Variants in TCP11L1 observed in about 807,000 individuals in gnomAD.
TCP11L1 encodes T-complex protein 11-like protein 1.
A neutral mutation model predicts 48.9 loss-of-function variants in TCP11L1; 28 were observed. That is an observed-to-expected ratio of 0.57 (90% confidence interval 0.42 to 0.78). The LOEUF (loss-of-function observed/expected upper bound fraction) is 0.78. Ranked by LOEUF, TCP11L1 falls within the 30% of genes least tolerant of loss-of-function variation. The probability of loss-of-function intolerance (pLI) is 0.00; values close to 1 mark genes in which losing one functional copy is unlikely to be tolerated. For missense variants in TCP11L1, 505 were observed against 613.4 expected (o/e 0.82, Z 1.87); for synonymous variants, 204 against 231.9 (o/e 0.88, Z 1.09).
intron 9 of TCP11L1, among the ~76,000 whole-genome samples, chr11:33,069,544 G>A (rs1403765367): frequency 6.6e-6 from 1 of 152,040 alleles, no homozygotes; most frequent in Non-Finnish European, 1.5e-5. Flanking sequence ...TAATCATTTT[G>A]TAGTATATAC....
chr11:33,073,329 A>T lies in TCP11L1; in HGVS notation c.*653A>T, dbSNP rs1342814798. The T allele has an allele frequency of 6.6e-6, 1 of 152,256 alleles. No homozygotes were observed. The highest frequency in any genetic ancestry group is 6.5e-5 in the Admixed American group (1 of 15,278). The allele number at this position is 152,256 out of a possible 1,614,324, so 9.4% of individuals were successfully genotyped here. A position where few individuals can be genotyped will look rare whatever the true frequency, so the allele number is the denominator to read the frequency against. On this transcript the variant is annotated 3_prime_UTR_variant, in exon 10 of 10. Coordinates refer to ENST00000334274, the MANE Select transcript of TCP11L1 (RefSeq NM_018393.4). ...CCAAAGATACAGTTATTGGACTTTA[A>T]AAAGCTTGTTCTTTTATACAAAATT...
In TCP11L1 at chr11:33,056,414, A is replaced by G. The variant is rs538866072; in HGVS notation, c.297-701A>G. Among the ~76,000 whole-genome samples the G allele has an allele frequency of 5.9e-5, 9 of 152,220 alleles. No homozygotes were observed. The South Asian group carries it at 1.9e-3, about 32-fold the overall frequency. On this transcript the variant is annotated intron_variant, in intron 3 of 9. Coordinates refer to ENST00000334274, the MANE Select transcript of TCP11L1 (RefSeq NM_018393.4). ...GCATGAGCCACCACACCTGGCCAAT[A>G]CTGGTTTTAATGAAATGTTATGTTG... is the stretch of plus-strand genomic sequence containing the variant.
chr11:33,050,722 C>T (rs988064051), intron 2 of TCP11L1, among the ~76,000 whole-genome samples: 7 of 152,142 alleles, frequency 4.6e-5, no homozygotes, highest in Non-Finnish European at 8.8e-5. Context: ...TTGATAAAAT[C>T]CAAATTATCC....
chr11:33,072,086 C>T (rs1021782070), intron 9 of TCP11L1, among the ~76,000 whole-genome samples: 11 of 152,118 alleles, frequency 7.2e-5, no homozygotes, highest in Non-Finnish European at 1.5e-5. Flanking sequence ...TCAGGTGACC[C>T]GCCCACCTTA....
chr11:33,054,449 G>A, intron 2 of TCP11L1, 144 bp from the exon 3 acceptor site: 1 of 901,314 alleles, frequency 1.1e-6, no homozygotes, highest in Non-Finnish European at 1.7e-6. Context: ...GTAACATTCT[G>A]TTGCTGTTTG....
At chr11:33,069,902 C>G (rs1039804543) in intron 9 of TCP11L1, among the ~76,000 whole-genome samples, 1 of 152,134 alleles carries the variant, frequency 6.6e-6, no homozygotes, top group Non-Finnish European at 1.5e-5. Flanking sequence ...ACCACTGCAT[C>G]CAGCCAAGAT....
chr11:33,053,804 T>G (rs1854233061), intron 2 of TCP11L1, among the ~76,000 whole-genome samples: 1 of 152,132 alleles, frequency 6.6e-6, no homozygotes, highest in Non-Finnish European at 1.5e-5. Context: ...CTAAAGGACT[T>G]GATGGTATTT....
intron 2 of TCP11L1, among the ~76,000 whole-genome samples, chr11:33,049,627 G>C (rs190092192): frequency 3.9e-5 from 6 of 152,178 alleles, no homozygotes; most frequent in Non-Finnish European, 7.3e-5. Flanking sequence ...AAGGTACTGT[G>C]CCTTGATGTG....
chr11:33,070,959 G>A (rs1021348835), intron 9 of TCP11L1, among the ~76,000 whole-genome samples: 6 of 150,664 alleles, frequency 4.0e-5, no homozygotes, highest in Admixed American at 2.6e-4. Context: ...CCGAGATCGC[G>A]CCACTGCACT....
intron 3 of TCP11L1, among the ~76,000 whole-genome samples, chr11:33,055,019 C>T (rs375814588): frequency 6.6e-6 from 1 of 152,220 alleles, no homozygotes; most frequent in East Asian, 1.9e-4. Context: ...GGTTTCATCG[C>T]AAAGGCGAAG....
At chr11:33,065,686 A>T in intron 7 of TCP11L1, 144 bp from the exon 8 acceptor site, 1 of 899,802 alleles carries the variant, frequency 1.1e-6, no homozygotes. Flanking sequence ...GGGTTATTTC[A>T]CACCAGACTC....
intron 2 of TCP11L1, 85 bp downstream of exon 2, chr11:33,044,021 G>C (rs139464903): frequency 3.0e-6 from 4 of 1,339,664 alleles, no homozygotes; most frequent in South Asian, 3.1e-5. Flanking sequence ...GCATGTGGCC[G>C]TGAGCTAGGT....
intron 1 of TCP11L1, among the ~76,000 whole-genome samples, chr11:33,043,187 A>T (rs1853889965): frequency 6.6e-6 from 1 of 152,096 alleles, no homozygotes; most frequent in Non-Finnish European, 1.5e-5. Context: ...GTTAGCTGAG[A>T]TTGCCCCATT....
chr11:33,053,144 CTTTTTTTTTT>C (rs10715921), intron 2 of TCP11L1, among the ~76,000 whole-genome samples: 1 of 116,214 alleles, frequency 8.6e-6, no homozygotes, highest in African/African-American at 3.4e-5. Context: ...CTATCAGAGA[CTTTTTTTTTT>C]TTTTTTTTTT....
At position 33,054,660 on chromosome 11, in the gene TCP11L1, T is replaced by C; in HGVS notation, c.231T>C (p.Ala77=). 1 of 1,614,016 alleles carries C rather than the reference T, an allele frequency of 6.2e-7. No homozygotes were observed. The highest frequency in any genetic ancestry group is 8.5e-7 in the Non-Finnish European group (1 of 1,179,954). Residue 77 remains alanine (A), a synonymous_variant, in exon 3 of 10, where the codon GCT becomes GCC. Transcript: ENST00000334274. ...CAGCGAGAGGTGTCACCAACATGGC[T>C]CTAGCCCATGAAATTGTAGTAAATG... The part of the protein sequence containing the change: ...LETARGVTNM[A]LAHEIVVNGD...
chr11:33,065,765 G>A (rs996596051), intron 7 of TCP11L1, 65 bp from the exon 8 acceptor site: 58 of 1,553,838 alleles, frequency 3.7e-5, no homozygotes, highest in Admixed American at 5.4e-5. Flanking sequence ...GGGCTGTGGC[G>A]CTCCCGCCCT....
At chr11:33,064,011 TC>T (rs1397083037) in intron 7 of TCP11L1, among the ~76,000 whole-genome samples, 4 of 152,038 alleles carry the variant, frequency 2.6e-5, no homozygotes, top group Non-Finnish European at 5.9e-5. Context: ...CTGATCATCT[TC>T]CCCAGGCCTT....
At chr11:33,071,433 G>A (rs1439994094) in intron 9 of TCP11L1, among the ~76,000 whole-genome samples, 1 of 152,190 alleles carries the variant, frequency 6.6e-6, no homozygotes, top group Non-Finnish European at 1.5e-5. Context: ...CAGGAGGCAA[G>A]GCATGTAGTT....
In TCP11L1 at chr11:33,068,828, C is replaced by T. The variant is rs370408634; in HGVS notation, c.1296C>T (p.Ala432=). Residue 432 remains alanine, a synonymous_variant, in exon 9 of 10, where the codon GCC becomes GCT. Coordinates refer to ENST00000334274, the MANE Select transcript of TCP11L1 (RefSeq NM_018393.4). ...TCAAGGGCCAGATCCAGGCCGTGGC[C>T]AGTCCCGATGACCCCATTCGCAGGA... ...TVLKGQIQAV[A]SPDDPIRRIM... 33 of 1,613,928 alleles carry T rather than the reference C, an allele frequency of 2.0e-5. No individual in the cohort carries two copies. Among genetic ancestry groups the T allele is most frequent in the Non-Finnish European group, 2.8e-5 (33 of 1,179,944 alleles).
Sources: gnomAD v4.1 joint callset for allele counts (sites outside exome capture counted in the v4.1 genomes callset) on GRCh38, gnomAD v4.1.1 for gene constraint, MANE v1.5 for transcripts, NCBI Gene and HGNC (gene_info 2026-07-23, HGNC 2026-07-21) for gene names.